The following HEMK2 variants were observed in gnomAD, a reference collection of about 807,000 sequenced individuals.
The protein encoded by HEMK2 is HemK methyltransferase 2, ETF1 glutamine and histone H4 lysine, also known as methyltransferase HEMK2.
the HEMK2 span, among the ~76,000 whole-genome samples, chr21:28,788,705 CAAA>C: frequency 2.4e-5 from 3 of 126,576 alleles, no homozygotes; most frequent in Non-Finnish European, 3.5e-5. Context: ...TTAGGTACTC[CAAA>C]AAAAAAAAAA....
At chr21:28,655,559 A>T in the HEMK2 span, among the ~76,000 whole-genome samples, 271 of 152,174 alleles carry the variant, frequency 1.8e-3, 1 homozygote, top group African/African-American at 6.3e-3. Context: ...ATTTGAAATA[A>T]GACAACTCAG....
the HEMK2 span, among the ~76,000 whole-genome samples, chr21:28,690,900 C>A: frequency 6.6e-6 from 1 of 152,134 alleles, no homozygotes; most frequent in Non-Finnish European, 1.5e-5. Flanking sequence ...GAGCTTCTCT[C>A]GGTCAGGATT....
the HEMK2 span, among the ~76,000 whole-genome samples, chr21:28,659,472 A>G: frequency 1.3e-5 from 2 of 152,060 alleles, no homozygotes; most frequent in Non-Finnish European, 2.9e-5. Flanking sequence ...AGGCATTTTA[A>G]AAGTGCCAAA....
At chr21:28,647,594 A>G in the HEMK2 span, among the ~76,000 whole-genome samples, 3 of 151,896 alleles carry the variant, frequency 2.0e-5, no homozygotes, top group Non-Finnish European at 4.4e-5. Flanking sequence ...TCACCTCCCT[A>G]TGGTTCATTA....
chr21:28,885,062 C>G, the HEMK2 span: 2 of 1,223,028 alleles, frequency 1.6e-6, no homozygotes, highest in South Asian at 3.8e-5. Flanking sequence ...GGAAAATTCT[C>G]AATTACGGCG....
chr21:28,703,713 C>T, the HEMK2 span, among the ~76,000 whole-genome samples: 6 of 152,302 alleles, frequency 3.9e-5, no homozygotes, highest in East Asian at 5.8e-4. Context: ...TCATTTCTTA[C>T]GTTCCACATC....
the HEMK2 span, among the ~76,000 whole-genome samples, chr21:28,646,693 A>C: frequency 6.6e-6 from 1 of 152,214 alleles, no homozygotes; most frequent in Admixed American, 6.5e-5. Context: ...CATGCATGTA[A>C]AATGGCTCAC....
the HEMK2 span, among the ~76,000 whole-genome samples, chr21:28,605,530 T>A: frequency 6.6e-6 from 1 of 152,216 alleles, no homozygotes; most frequent in Non-Finnish European, 1.5e-5. Flanking sequence ...TTTTTTTAAC[T>A]AAGTCAGTTT....
At chr21:28,605,783 G>A in the HEMK2 span, among the ~76,000 whole-genome samples, 2,822 of 152,156 alleles carry the variant, frequency 0.019, 108 homozygotes, top group African/African-American at 0.065. Flanking sequence ...TCATTTTAAG[G>A]CCAGTTTTGA....
the HEMK2 span, among the ~76,000 whole-genome samples, chr21:28,631,470 C>T: frequency 1.3e-5 from 2 of 152,130 alleles, no homozygotes; most frequent in Admixed American, 1.3e-4. Context: ...CACCCTAATT[C>T]AGTGGTCTTG....
the HEMK2 span, chr21:28,885,319 C>G: frequency 1.3e-6 from 2 of 1,587,486 alleles, no homozygotes; most frequent in Non-Finnish European, 1.7e-6. Flanking sequence ...GCCCGTGGAA[C>G]GGCGTAGCGA....
chr21:28,796,707 G>C, the HEMK2 span, among the ~76,000 whole-genome samples: 3 of 152,142 alleles, frequency 2.0e-5, no homozygotes, highest in Admixed American at 1.3e-4. Context: ...TGGGACCACA[G>C]GTACATGCCA....
At chr21:28,880,701 C>T in the HEMK2 span, among the ~76,000 whole-genome samples, 43 of 151,382 alleles carry the variant, frequency 2.8e-4, no homozygotes, top group African/African-American at 1.0e-3. Context: ...CAAGATTGCG[C>T]CACTACACTC....
the HEMK2 span, among the ~76,000 whole-genome samples, chr21:28,733,080 C>T: frequency 1.3e-5 from 2 of 152,026 alleles, no homozygotes; most frequent in African/African-American, 4.8e-5. Context: ...GAGATCAAGA[C>T]CATCCTGGCT....
chr21:28,698,164 A>ATTTGAT, the HEMK2 span, among the ~76,000 whole-genome samples: 2 of 152,214 alleles, frequency 1.3e-5, no homozygotes, highest in Non-Finnish European at 2.9e-5. Flanking sequence ...GAATTTAGGA[A>ATTTGAT]ACACACGAAG....
chr21:28,879,097 TTTTTA>T, the HEMK2 span, among the ~76,000 whole-genome samples: 11 of 57,224 alleles, frequency 1.9e-4, no homozygotes, highest in Admixed American at 3.3e-4. Flanking sequence ...TTTTTTTTTT[TTTTTA>T]GAGACAGGGT....
the HEMK2 span, among the ~76,000 whole-genome samples, chr21:28,757,460 T>A: frequency 6.6e-6 from 1 of 152,148 alleles, no homozygotes; most frequent in African/African-American, 2.4e-5. Context: ...GCAGCCGAGA[T>A]CCCAGTGGAC....
the HEMK2 span, among the ~76,000 whole-genome samples, chr21:28,750,909 A>G: frequency 6.6e-6 from 1 of 152,098 alleles, no homozygotes; most frequent in Non-Finnish European, 1.5e-5. Context: ...TCCACTCGCC[A>G]TGTTTAGAAA....
chr21:28,713,473 A>T, the HEMK2 span, among the ~76,000 whole-genome samples: 1 of 152,206 alleles, frequency 6.6e-6, no homozygotes, highest in South Asian at 2.1e-4. Context: ...TGCTCCAGCC[A>T]CAATGGCCAA....
Sources: allele counts gnomAD v4.1 joint callset (sites outside exome capture counted in the v4.1 genomes callset), GRCh38; gene constraint gnomAD v4.1.1; transcripts MANE v1.5; gene names NCBI Gene and HGNC (gene_info 2026-07-23, HGNC 2026-07-21).